The following NPAS3 variants were observed in gnomAD, a reference collection of about 807,000 sequenced individuals.
NPAS3 encodes neuronal PAS domain protein 3.
A neutral mutation model predicts 73.1 loss-of-function variants in NPAS3; 14 were observed. That is an observed-to-expected ratio of 0.19 (90% confidence interval 0.13 to 0.30). The LOEUF (loss-of-function observed/expected upper bound fraction) is 0.30. Among genes scored for constraint, NPAS3 ranks in the 10% least tolerant of loss-of-function variants. The pLI, the probability that NPAS3 is intolerant of heterozygous loss-of-function variation, is 1.00. For synonymous variants in NPAS3, 620 were observed against 541.5 expected, an observed-to-expected ratio of 1.14 and a Z score of -2.01; for missense variants, 1,096 against 1,250.0, an observed-to-expected ratio of 0.88 and a Z score of 1.86.
chr14:33,667,584 G>A (rs1353584991), intron 5 of NPAS3, among the ~76,000 whole-genome samples: 1 of 152,100 alleles, frequency 6.6e-6, no homozygotes, highest in Non-Finnish European at 1.5e-5. Context: ...CTTTAAAATA[G>A]CACCTAGAGA....
intron 2 of NPAS3, among the ~76,000 whole-genome samples, chr14:33,074,407 G>C (rs2041587557): frequency 6.6e-6 from 1 of 152,036 alleles, no homozygotes; most frequent in Non-Finnish European, 1.5e-5. Context: ...GATGGTGCAG[G>C]GATAACACAT....
At chr14:33,467,858 G>T (rs2050602552) in intron 4 of NPAS3, among the ~76,000 whole-genome samples, 1 of 152,172 alleles carries the variant, frequency 6.6e-6, no homozygotes, top group Admixed American at 6.5e-5. Flanking sequence ...TTTCCCCAGA[G>T]AACAAGAGAT....
chr14:33,777,456 C>T (rs2062854828), intron 8 of NPAS3, among the ~76,000 whole-genome samples: 2 of 151,592 alleles, frequency 1.3e-5, no homozygotes, highest in Non-Finnish European at 2.9e-5. Context: ...TATTTCCCTG[C>T]CTTGGGGGCC....
In NPAS3 at chr14:33,760,483, T is replaced by C. The variant is rs148690162; in HGVS notation, c.853-13854T>C. Among the ~76,000 whole-genome samples the C allele has an allele frequency of 4.8e-4, 73 of 152,264 alleles. 1 individual carries two copies. The highest frequency in any genetic ancestry group is 1.7e-3 in the African/African-American group (69 of 41,538). On this transcript the variant is annotated intron_variant, in intron 7 of 11. Transcript: ENST00000356141. ...AAGTGCACAACATGATACAGGATCA[T>C]TTGGACACTTCAAAAACATTATTTG...
rs186173565 is a variant in NPAS3, at chr14:33,333,730, A to G, written c.386-33456A>G. Among the ~76,000 whole-genome samples the G allele has an allele frequency of 4.6e-5, 7 of 152,272 alleles. No individual in the cohort carries two copies. In the East Asian group the frequency reaches 1.4e-3, roughly 29 times the overall value. On this transcript the variant is annotated intron_variant, in intron 3 of 11. Transcript: ENST00000356141. ...TGATTGAAAAATATATAACATACTC[A>G]ATAAAAGTTACTTGAGTAGAATACT...
chr14:33,021,407 A>T (rs2039592194), intron 1 of NPAS3, among the ~76,000 whole-genome samples: 1 of 152,128 alleles, frequency 6.6e-6, no homozygotes, highest in South Asian at 2.1e-4. Context: ...TATTACCTTC[A>T]CCTGAGTCCC....
intron 2 of NPAS3, among the ~76,000 whole-genome samples, chr14:33,147,865 C>A (rs1485357687): frequency 1.3e-5 from 2 of 151,156 alleles, no homozygotes; most frequent in Admixed American, 6.6e-5. Flanking sequence ...CCAATAAAAA[C>A]TCATTATAAA....
At chr14:33,098,894 G>A (rs975059818) in intron 2 of NPAS3, among the ~76,000 whole-genome samples, 3 of 152,184 alleles carry the variant, frequency 2.0e-5, no homozygotes, top group African/African-American at 7.2e-5. Context: ...AATTGCCTGA[G>A]ACCAAGACCA....
intron 6 of NPAS3, among the ~76,000 whole-genome samples, chr14:33,733,274 A>C (rs536343114): frequency 6.6e-6 from 1 of 152,044 alleles, no homozygotes; most frequent in African/African-American, 2.4e-5. Context: ...ACTGCTATAA[A>C]TTAAGTCTAA....
intron 4 of NPAS3, among the ~76,000 whole-genome samples, chr14:33,464,568 C>G (rs1404188075): frequency 6.6e-6 from 1 of 152,112 alleles, no homozygotes; most frequent in Non-Finnish European, 1.5e-5. Context: ...AAATGCGGTC[C>G]CTGACCCTCT....
intron 4 of NPAS3, among the ~76,000 whole-genome samples, chr14:33,512,610 T>G (rs1030448183): frequency 6.6e-5 from 10 of 152,050 alleles, no homozygotes; most frequent in Admixed American, 1.3e-4. Context: ...CTAGCAGCAT[T>G]TTGATGTGGG....
At chr14:33,042,426 C>G (rs980769368) in intron 1 of NPAS3, among the ~76,000 whole-genome samples, 1 of 152,068 alleles carries the variant, frequency 6.6e-6, no homozygotes, top group Non-Finnish European at 1.5e-5. Flanking sequence ...TGCCCACCCA[C>G]CAGGTATATA....
At chr14:33,248,985 T>C (rs1476832071) in intron 3 of NPAS3, among the ~76,000 whole-genome samples, 1 of 152,202 alleles carries the variant, frequency 6.6e-6, no homozygotes, top group East Asian at 1.9e-4. Context: ...ATGTTTAGAA[T>C]TGGGCTTAAA....
At chr14:33,793,489 A>G (rs1451564756) in intron 9 of NPAS3, among the ~76,000 whole-genome samples, 1 of 152,234 alleles carries the variant, frequency 6.6e-6, no homozygotes, top group Non-Finnish European at 1.5e-5. Context: ...AACCATTCAA[A>G]TATCCAGAAT....
intron 10 of NPAS3, among the ~76,000 whole-genome samples, chr14:33,795,337 A>C (rs1440997178): frequency 6.6e-6 from 1 of 152,136 alleles, no homozygotes; most frequent in Middle Eastern, 3.2e-3. Context: ...GCTTTCTCCA[A>C]GGCCTGATTT....
At chr14:33,669,173 A>G (rs2059540466) in intron 5 of NPAS3, among the ~76,000 whole-genome samples, 1 of 152,166 alleles carries the variant, frequency 6.6e-6, no homozygotes, top group African/African-American at 2.4e-5. Flanking sequence ...AAAAAAAGAA[A>G]CCGACTTCAG....
chr14:33,509,997 T>C (rs1260186185), intron 4 of NPAS3, among the ~76,000 whole-genome samples: 1 of 152,004 alleles, frequency 6.6e-6, no homozygotes, highest in Admixed American at 6.6e-5. Context: ...CCTATGTGCA[T>C]GCACACTTTT....
chr14:33,217,640 T>C (rs2047273126), intron 3 of NPAS3, among the ~76,000 whole-genome samples: 1 of 152,236 alleles, frequency 6.6e-6, no homozygotes, highest in South Asian at 2.1e-4. Flanking sequence ...TAGGCTTTCT[T>C]GGCAGTCATG....
At chr14:33,113,915 T>C (rs1481081541) in intron 2 of NPAS3, among the ~76,000 whole-genome samples, 6 of 152,250 alleles carry the variant, frequency 3.9e-5, no homozygotes, top group Admixed American at 2.0e-4. Flanking sequence ...TCTGCATCTA[T>C]TGAGATAATC....
Sources: gnomAD v4.1 joint callset for allele counts (sites outside exome capture counted in the v4.1 genomes callset) on GRCh38, gnomAD v4.1.1 for gene constraint, MANE v1.5 for transcripts, NCBI Gene and HGNC (gene_info 2026-07-23, HGNC 2026-07-21) for gene names.